The following LRRC74A variants were observed in gnomAD, a reference collection of about 807,000 sequenced individuals.
The protein encoded by LRRC74A is leucine-rich repeat-containing protein 74A.
A neutral mutation model predicts 57.9 loss-of-function variants in LRRC74A; 44 were observed. That is an observed-to-expected ratio of 0.76 (90% CI 0.60 to 0.98). The LOEUF (loss-of-function observed/expected upper bound fraction) is 0.98. Ranked by LOEUF, LRRC74A falls within the 50% of genes least tolerant of loss-of-function variation. LRRC74A has a pLI of 0.00. For missense variants in LRRC74A, 572 were observed against 574.0 expected, an observed-to-expected ratio of 1.00 and a Z score of 0.04; for synonymous variants, 211 against 219.4, an observed-to-expected ratio of 0.96 and a Z score of 0.34.
At chr14:76,848,490 G>A (rs780345110) in intron 7 of LRRC74A, among the ~76,000 whole-genome samples, 5 of 151,810 alleles carry the variant, frequency 3.3e-5, no homozygotes, top group Admixed American at 1.3e-4. Context: ...AACTGCTTGA[G>A]CCCAGGAGTT....
intron 5 of LRRC74A, 78 bp downstream of exon 5, chr14:76,838,049 C>A (rs1896492181): frequency 3.3e-6 from 3 of 920,980 alleles, no homozygotes; most frequent in African/African-American, 1.7e-5. Context: ...AATTCAATGT[C>A]TCATTGAACC....
chr14:76,846,189 C>T (rs1422604710), intron 7 of LRRC74A, among the ~76,000 whole-genome samples: 3 of 152,188 alleles, frequency 2.0e-5, no homozygotes, highest in South Asian at 2.1e-4. Flanking sequence ...AGAAGAAAGT[C>T]GAGTGCCCAC....
At chr14:76,835,982 C>T (rs117205336) in intron 3 of LRRC74A, among the ~76,000 whole-genome samples, 1,648 of 152,298 alleles carry the variant, frequency 0.011, 13 homozygotes, top group Non-Finnish European at 0.015. Context: ...GTTTTAATTG[C>T]TTTCAGGATC....
intron 13 of LRRC74A, among the ~76,000 whole-genome samples, chr14:76,869,910 C>T (rs998046791): frequency 1.3e-5 from 2 of 152,188 alleles, no homozygotes; most frequent in Admixed American, 6.5e-5. Context: ...CATGTGCATG[C>T]CTTTCCCACA....
chr14:76,867,458 C>T lies in LRRC74A; in HGVS notation c.1391+20C>T, dbSNP rs368120692. 1.5e-5 allele frequency: 21 copies of T among 1,430,580 alleles called. No individual in the cohort carries two copies. Among genetic ancestry groups the T allele is most frequent in the South Asian group, 2.3e-5 (2 of 86,870 alleles). 88.6% of individuals were successfully genotyped at this position (1,430,580 alleles called of 1,614,324 possible). ...CTTCAGGTCAGCCCAGGCCCCGCGA[C>T]GATCCCCGTTCTCTGCAAGGGGCCC... On this transcript the variant is annotated intron_variant, in intron 13 of 13. Transcript: ENST00000689127.
intron 9 of LRRC74A, 53 bp downstream of exon 9, chr14:76,853,463 T>TG (rs1354265145): frequency 2.3e-4 from 65 of 279,694 alleles, no homozygotes; most frequent in African/African-American, 5.5e-4. Flanking sequence ...GTGTGTGTGT[T>TG]TGTGTATGTG....
chr14:76,850,831 CA>C (rs1221321863), intron 7 of LRRC74A, among the ~76,000 whole-genome samples: 18 of 117,386 alleles, frequency 1.5e-4, no homozygotes, highest in Non-Finnish European at 9.0e-5. Flanking sequence ...TTGTCAAGGG[CA>C]AAACTCTGTC....
At chr14:76,832,588 A>G (rs902956361) in intron 3 of LRRC74A, among the ~76,000 whole-genome samples, 5 of 152,204 alleles carry the variant, frequency 3.3e-5, no homozygotes, top group Non-Finnish European at 7.3e-5. Flanking sequence ...GATTACAGGC[A>G]TAAGCCACTG....
At chr14:76,850,004 T>C (rs868647790) in intron 7 of LRRC74A, among the ~76,000 whole-genome samples, 257 of 151,790 alleles carry the variant, frequency 1.7e-3, no homozygotes, top group African/African-American at 5.6e-3. Flanking sequence ...GTCAGGAGAT[T>C]GAGACCATCC....
chr14:76,859,335 G>A (rs1566740508), intron 10 of LRRC74A, among the ~76,000 whole-genome samples: 1 of 152,060 alleles, frequency 6.6e-6, no homozygotes, highest in Non-Finnish European at 1.5e-5. Flanking sequence ...AAGAGTTCGA[G>A]ACCAGCCTGA....
chr14:76,831,092 G>T (rs1480544951), intron 2 of LRRC74A, 111 bp from the exon 3 acceptor site: 2 of 1,100,090 alleles, frequency 1.8e-6, no homozygotes, highest in African/African-American at 3.1e-5. Context: ...CCCACAGGGA[G>T]AGATCCTCTG....
intron 7 of LRRC74A, among the ~76,000 whole-genome samples, chr14:76,851,215 G>C (rs74068889): frequency 6.6e-6 from 1 of 152,148 alleles, no homozygotes; most frequent in African/African-American, 2.4e-5. Flanking sequence ...CACTGCAGCC[G>C]TGGCCTGCCA....
chr14:76,850,207 CA>C (rs1489104134), intron 7 of LRRC74A, among the ~76,000 whole-genome samples: 3 of 149,958 alleles, frequency 2.0e-5, no homozygotes, highest in Non-Finnish European at 4.4e-5. Flanking sequence ...GACCCCGTCT[CA>C]AAAAAACAAA....
chr14:76,841,453 T>C (rs1419061724), intron 5 of LRRC74A, among the ~76,000 whole-genome samples: 1 of 152,234 alleles, frequency 6.6e-6, no homozygotes, highest in African/African-American at 2.4e-5. Context: ...TTCTGCAATC[T>C]TGGCTATTAG....
chr14:76,864,270 C>G (rs1898567946), intron 11 of LRRC74A, among the ~76,000 whole-genome samples: 1 of 151,974 alleles, frequency 6.6e-6, no homozygotes, highest in Non-Finnish European at 1.5e-5. Flanking sequence ...AGGCCGTGCA[C>G]TCCAGAAAGG....
intron 3 of LRRC74A, among the ~76,000 whole-genome samples, chr14:76,832,847 C>A (rs913451831): frequency 1.1e-4 from 17 of 152,142 alleles, no homozygotes; most frequent in African/African-American, 4.1e-4. Flanking sequence ...TGAAAAGGAA[C>A]TATGATCCTG....
intron 11 of LRRC74A, among the ~76,000 whole-genome samples, chr14:76,862,288 G>A (rs1043860594): frequency 3.3e-5 from 5 of 152,188 alleles, no homozygotes; most frequent in African/African-American, 9.7e-5. Context: ...CCAGCAATTC[G>A]GGAGGCCAAA....
intron 2 of LRRC74A, chr14:76,828,772 A>T: frequency 2.3e-6 from 1 of 440,898 alleles, no homozygotes; most frequent in Non-Finnish European, 4.5e-6. Context: ...CATCTTTGCC[A>T]GTTTTCAACA....
At chr14:76,829,892 G>C (rs554938843) in intron 2 of LRRC74A, among the ~76,000 whole-genome samples, 4 of 152,278 alleles carry the variant, frequency 2.6e-5, no homozygotes, top group African/African-American at 9.6e-5. Flanking sequence ...AGGGGGAGAC[G>C]AGCCTGGTTT....
Sources: gnomAD v4.1 joint callset for allele counts (sites outside exome capture counted in the v4.1 genomes callset) on GRCh38, gnomAD v4.1.1 for gene constraint, MANE v1.5 for transcripts, NCBI Gene and HGNC (gene_info 2026-07-23, HGNC 2026-07-21) for gene names.